The following ECT2L variants were observed in gnomAD, a reference collection of about 807,000 sequenced individuals.
ECT2L encodes the protein epithelial cell transforming 2 like, also known as epithelial cell-transforming sequence 2 oncogene-like.
ECT2L carries 126 observed loss-of-function variants against 122.8 expected under a neutral mutation model. The observed-to-expected ratio is 1.03, with a 90% CI of 0.89 to 1.19. The LOEUF (loss-of-function observed/expected upper bound fraction) is 1.19. Among genes scored for constraint, ECT2L ranks in the 50% most tolerant of loss-of-function variants. The pLI, the probability that ECT2L is intolerant of heterozygous loss-of-function variation, is 0.00. For missense variants in ECT2L, 1,012 were observed against 1,064.1 expected (o/e 0.95, Z 0.68); for synonymous variants, 385 against 381.8 (o/e 1.01, Z -0.10).
chr6:138,820,043 G>A (rs1776221257), intron 4 of ECT2L, among the ~76,000 whole-genome samples: 1 of 152,120 alleles, frequency 6.6e-6, no homozygotes, highest in African/African-American at 2.4e-5. Context: ...AGACACTGTT[G>A]ATTACTGGCC....
At position 138,862,778 on chromosome 6, in the gene ECT2L, CA is replaced by C. The variant is rs1291212971; in HGVS notation, c.1291+63del. The C allele has an allele frequency of 5.0e-6, 7 of 1,412,790 alleles. No individual in the cohort carries two copies. In the African/African-American group the frequency reaches 9.9e-5, roughly 20 times the overall value. The allele number at this position is 1,412,790 out of a possible 1,614,324, so 87.5% of individuals were successfully genotyped here. A position where few individuals can be genotyped will look rare whatever the true frequency, so the allele number is the denominator to read the frequency against. ...TAACACAAGCCAACTCCAGAATCAC[CA>C]AAAGACAAAATCCAGTTAATAGTAC... On this transcript the variant is annotated intron_variant, in intron 11 of 21. Transcript: ENST00000541398.
At position 138,800,518 on chromosome 6, in the gene ECT2L, C is replaced by T. The variant is rs141088073; in HGVS notation, c.-244+4326C>T. On this transcript the variant is annotated intron_variant, in intron 1 of 21. Transcript: ENST00000541398. ...TATCTCAAATGAATCCCTTAAAATG[C>T]TTCCATTTTTTCTAATTTGCTGATG... 1.0e-3 allele frequency among the ~76,000 whole-genome samples: 152 copies of T among 152,254 alleles called. 3 individuals are homozygous for T. The highest frequency in any genetic ancestry group is 9.3e-3 in the Admixed American group (142 of 15,288).
At position 138,800,253 on chromosome 6, in the gene ECT2L, T is replaced by C. The variant is rs117068367; in HGVS notation, c.-244+4061T>C. 1.1e-4 allele frequency among the ~76,000 whole-genome samples: 17 copies of C among 152,344 alleles called. No individual in the cohort carries two copies. In the East Asian group the frequency reaches 3.1e-3, roughly 28 times the overall value. ...TGTGAGATGGCAGCCACAATGTTTT[T>C]TCCAGTAGAGACATGCCACTTTGTA... On this transcript the variant is annotated intron_variant, in intron 1 of 21. Coordinates refer to ENST00000541398, the MANE Select transcript of ECT2L (RefSeq NM_001077706.3).
chr6:138,816,323 C>G (rs934253879), intron 4 of ECT2L, among the ~76,000 whole-genome samples: 2 of 152,074 alleles, frequency 1.3e-5, no homozygotes, highest in Non-Finnish European at 2.9e-5. Context: ...ATCCTTTGTC[C>G]GGTAACTGAA....
At chr6:138,857,376 G>A (rs1402595507) in intron 10 of ECT2L, among the ~76,000 whole-genome samples, 1 of 152,008 alleles carries the variant, frequency 6.6e-6, no homozygotes, top group Non-Finnish European at 1.5e-5. Flanking sequence ...TTAAGTCTGG[G>A]GTGGGGCTGG....
chr6:138,880,807 T>C, intron 14 of ECT2L, 150 bp from the exon 15 acceptor site: 1 of 639,654 alleles, frequency 1.6e-6, no homozygotes, highest in South Asian at 1.9e-5. Context: ...TAGGGACAAG[T>C]GATGGACAGC....
At chr6:138,831,014 A>G (rs1305053674) in intron 4 of ECT2L, among the ~76,000 whole-genome samples, 3 of 152,228 alleles carry the variant, frequency 2.0e-5, no homozygotes, top group Non-Finnish European at 2.9e-5. Context: ...CAACATGTCC[A>G]AGTATATACA....
At chr6:138,873,984 G>A (rs1267427528) in intron 13 of ECT2L, among the ~76,000 whole-genome samples, 1 of 150,128 alleles carries the variant, frequency 6.7e-6, no homozygotes, top group African/African-American at 2.5e-5. Context: ...ATCATTATTT[G>A]CTCCTGGTTT....
chr6:138,889,317 T>C (rs56263633), intron 20 of ECT2L, among the ~76,000 whole-genome samples: 21,564 of 152,054 alleles, frequency 0.14, 1,619 homozygotes, highest in Non-Finnish European at 0.16. Context: ...TGGTCACTTT[T>C]CTTTTTTCTT....
At chr6:138,833,288 G>C (rs924555567) in intron 4 of ECT2L, among the ~76,000 whole-genome samples, 2 of 152,156 alleles carry the variant, frequency 1.3e-5, no homozygotes, top group African/African-American at 2.4e-5. Context: ...TTATAGATAT[G>C]CCATAACTTA....
intron 1 of ECT2L, among the ~76,000 whole-genome samples, chr6:138,801,979 G>T (rs565061003): frequency 1.2e-4 from 19 of 152,156 alleles, no homozygotes; most frequent in Non-Finnish European, 2.5e-4. Flanking sequence ...CGGTTCTGAT[G>T]AATCAAAAAG....
Position 138,902,884 on chromosome 6 carries a change from A to G in ECT2L, c.*257A>G, listed in dbSNP as rs1445406728. On this transcript the variant is annotated 3_prime_UTR_variant, in exon 22 of 22. Transcript: ENST00000541398. Reference sequence around the variant, plus strand: ...CTGTATTTCATGGATAATATTATTTAGAGTAATTTGATGTGATGAAACCTA... The same window carrying G: ...CTGTATTTCATGGATAATATTATTTGGAGTAATTTGATGTGATGAAACCTA... The G allele has an allele frequency of 1.0e-5, 4 of 382,612 alleles. No individual in the cohort carries two copies. In the East Asian group the frequency reaches 1.9e-4, roughly 18 times the overall value. 23.7% of individuals were successfully genotyped at this position (382,612 alleles called of 1,614,324 possible).
rs1394596307 is a variant in ECT2L, at chr6:138,844,395, T to C, written c.596-17T>C. 2 of 1,611,214 alleles carry C rather than the reference T, an allele frequency of 1.2e-6. No individual in the cohort carries two copies. The highest frequency in any genetic ancestry group is 1.7e-6 in the Non-Finnish European group (2 of 1,177,796). ...GTATGAAGTAATCAGCCCCGCCTGC[T>C]GTTCTTTGTTTTTCAGAGGAGTTAT... On this transcript the variant is annotated splice_polypyrimidine_tract_variant and intron_variant, in intron 6 of 21. Transcript: ENST00000541398.
At chr6:138,849,101 G>C (rs1777334277) in intron 8 of ECT2L, among the ~76,000 whole-genome samples, 168 bp from the exon 9 acceptor site, 1 of 152,126 alleles carries the variant, frequency 6.6e-6, no homozygotes, top group African/African-American at 2.4e-5. Context: ...CCTATAATTA[G>C]AAATAAACTA....
rs145813788 is a variant in ECT2L at position 138,894,081 on chromosome 6, G to A, written c.2414+5050G>A. On this transcript the variant is annotated intron_variant, in intron 20 of 21. Transcript: ENST00000541398. ...TTTTTAATTATTATTTTTTTGAGAC[G>A]GAGTCTCACTCTGTTGCCAGGCTGG... Among the ~76,000 whole-genome samples the A allele has an allele frequency of 9.1e-3, 1,379 of 151,896 alleles. 15 individuals carry two copies. The highest frequency in any genetic ancestry group is 0.031 in the African/African-American group (1,301 of 41,388).
intron 16 of ECT2L, 73 bp from the exon 17 acceptor site, chr6:138,885,433 A>G (rs1196227287): frequency 6.8e-6 from 10 of 1,463,998 alleles, no homozygotes; most frequent in Middle Eastern, 1.7e-4. Flanking sequence ...TCCATAGATC[A>G]TGCTTGCTCA....
Position 138,901,055 on chromosome 6 carries a change from C to T in ECT2L, c.2522C>T (p.Thr841Ile), listed in dbSNP as rs1779379835. The T allele has an allele frequency of 1.9e-6, 3 of 1,614,040 alleles. No homozygotes were observed. The highest frequency in any genetic ancestry group is 1.3e-5 in the African/African-American group (1 of 74,914). The change falls in exon 21 of 22, where the codon ACC becomes ATC. Residue 841 changes from threonine to isoleucine, a missense_variant. By Grantham distance (89) the Thr-to-Ile change is moderately conservative. Coordinates refer to ENST00000541398, the MANE Select transcript of ECT2L (RefSeq NM_001077706.3). Reference sequence around the variant, plus strand: ...CCATTTGAGAGGACTTCAAAAACAACCTACCAGTTCATTGCATCAGTGGCC... The same window carrying T: ...CCATTTGAGAGGACTTCAAAAACAATCTACCAGTTCATTGCATCAGTGGCC... ...HTPFERTSKTTYQFIASVALH... is the reference protein window; with the variant it reads ...HTPFERTSKTIYQFIASVALH...
At chr6:138,902,071 A>ATTG in intron 21 of ECT2L, among the ~76,000 whole-genome samples, 1 of 152,218 alleles carries the variant, frequency 6.6e-6, no homozygotes, top group African/African-American at 2.4e-5. Flanking sequence ...ATGTCAAAAC[A>ATTG]TTGTTAAGTA....
intron 4 of ECT2L, among the ~76,000 whole-genome samples, chr6:138,834,853 A>G (rs1308175394): frequency 6.6e-6 from 1 of 151,608 alleles, no homozygotes; most frequent in Non-Finnish European, 1.5e-5. Context: ...TGGATACTAC[A>G]TGCTACCAGT....
Sources: gnomAD v4.1 joint callset for allele counts (sites outside exome capture counted in the v4.1 genomes callset) on GRCh38, gnomAD v4.1.1 for gene constraint, MANE v1.5 for transcripts, NCBI Gene and HGNC (gene_info 2026-07-23, HGNC 2026-07-21) for gene names.